Variants in UCKL1 observed in about 807,000 individuals in gnomAD.
UCKL1 encodes uridine-cytidine kinase 1 like 1.
In UCKL1, 65 loss-of-function variants were observed where a neutral mutation model predicts 59.2. The observed-to-expected ratio is 1.10, with a 90% CI of 0.90 to 1.35. The LOEUF is 1.35. UCKL1 is among the 40% of genes most tolerant of loss of function. The probability of loss-of-function intolerance (pLI) is 0.00; values close to 1 mark genes in which losing one functional copy is unlikely to be tolerated. For synonymous variants in UCKL1, 410 were observed against 323.1 expected, an observed-to-expected ratio of 1.27 and a Z score of -2.88; for missense variants, 703 against 784.3, an observed-to-expected ratio of 0.90 and a Z score of 1.24.
Position 63,941,037 on chromosome 20 carries a change from C to T in UCKL1, c.1029G>A (p.Lys343=). 1 of 1,581,330 alleles carries T rather than the reference C, an allele frequency of 6.3e-7. No homozygotes were observed. The highest frequency in any genetic ancestry group is 1.7e-4 in the Middle Eastern group (1 of 5,880). Reference sequence around the variant, plus strand: ...AGATGAACTCGTCGCGACTGGTCTCCTTGTCCCTGTGGGGCCAACAGTTGA... The same window carrying T: ...AGATGAACTCGTCGCGACTGGTCTCTTTGTCCCTGTGGGGCCAACAGTTGA... ...VRGMHTIIRD[K]ETSRDEFIFY... is the part of the protein sequence containing the mutation. Residue 343 remains lysine (K), a synonymous_variant, in exon 10 of 15, where the codon AAG becomes AAA. Coordinates refer to ENST00000354216, the MANE Select transcript of UCKL1 (RefSeq NM_017859.4).
At chr20:63,942,522 G>A in intron 8 of UCKL1, 1 of 1,160,376 alleles carries the variant, frequency 8.6e-7, no homozygotes, top group Non-Finnish European at 1.1e-6. Context: ...GTTCAGGGAG[G>A]GAACAAGGCA....
intron 8 of UCKL1, chr20:63,941,733 A>C: frequency 4.7e-6 from 1 of 211,434 alleles, no homozygotes; most frequent in Non-Finnish European, 1.0e-5. Context: ...CCGCTGCCCA[A>C]GCCTGGGGAT....
rs759269050 is a variant in UCKL1 at position 63,946,256 on chromosome 20, C to T, written c.316G>A (p.Gly106Ser). The stretch of plus-strand genomic sequence containing the variant: ...ACAGTGGTCTTCCCAGAGGCACTGC[C>T]GCCTCCCAAGCCTGCCGGCGGGAGT... ...KEAFAIGLGG[G>S]SASGKTTVAR... Residue 106 changes from glycine to serine, a missense_variant, in exon 3 of 15, where the codon GGC becomes AGC. Coordinates refer to ENST00000354216, the MANE Select transcript of UCKL1 (RefSeq NM_017859.4). The T allele has an allele frequency of 4.3e-5, 68 of 1,595,836 alleles. No individual in the cohort carries two copies. Among genetic ancestry groups the T allele is most frequent in the Middle Eastern group, 1.6e-4 (1 of 6,064 alleles).
chr20:63,940,568 T>TCATCACCCCGGCTGCCCCCAGGCA, intron 12 of UCKL1, 26 bp downstream of exon 12: 1 of 1,605,626 alleles, frequency 6.2e-7, no homozygotes. Context: ...ACCCCCGGGC[T>TCATCACCCCGGCTGCCCCCAGGCA]CATCACCCCG....
At chr20:63,941,371 ACGTCGC>A in intron 8 of UCKL1, 163 bp from the exon 9 acceptor site, 1 of 1,096,594 alleles carries the variant, frequency 9.1e-7, no homozygotes, top group Non-Finnish European at 1.3e-6. Context: ...CTGGGGGGAG[ACGTCGC>A]CCTACCTGAG....
In UCKL1 at chr20:63,956,414, C is replaced by A; in HGVS notation, c.-42G>T. ...TTTGCGGGCCTGGCCGGGCGGCGCGCATGGGCCGCCGGGAGCTGGCGGGTC... is the reference window on the plus strand; with the variant it reads ...TTTGCGGGCCTGGCCGGGCGGCGCGAATGGGCCGCCGGGAGCTGGCGGGTC... On this transcript the variant is annotated 5_prime_UTR_variant, in exon 1 of 15. The change abolishes an upstream ATG in the 5' untranslated region. Transcript: ENST00000354216. 7.4e-7 allele frequency: 1 copy of A among 1,345,136 alleles called. No individual in the cohort carries two copies. Among genetic ancestry groups the A allele is most frequent in the South Asian group, 1.7e-5 (1 of 57,208 alleles). The allele number at this position is 1,345,136 out of a possible 1,614,324, so 83.3% of individuals were successfully genotyped here.
At chr20:63,942,920 C>T (rs921682827) in intron 8 of UCKL1, among the ~76,000 whole-genome samples, 12 of 152,288 alleles carry the variant, frequency 7.9e-5, no homozygotes, top group Middle Eastern at 6.8e-3. Flanking sequence ...GGCTGGTGGA[C>T]GGGCCCTGGA....
chr20:63,950,801 C>A, intron 1 of UCKL1: 1 of 1,540,970 alleles, frequency 6.5e-7, no homozygotes, highest in South Asian at 1.2e-5. Flanking sequence ...GATCCTGATG[C>A]CAGGGTAAGC....
chr20:63,949,916 C>T lies in UCKL1; in HGVS notation c.114-3273G>A, dbSNP rs570744913. Among the ~76,000 whole-genome samples the T allele has an allele frequency of 5.3e-5, 8 of 152,360 alleles. No individual in the cohort carries two copies. The East Asian group carries it at 1.5e-3, about 29-fold the overall frequency. Reference sequence around the variant, plus strand: ...GGGACAGACACCAGACGGCAGAGGCCGGGCTGGCACCGTGCCTGCTCCCCA... The same window carrying T: ...GGGACAGACACCAGACGGCAGAGGCTGGGCTGGCACCGTGCCTGCTCCCCA... On this transcript the variant is annotated intron_variant, in intron 1 of 14. Coordinates refer to ENST00000354216, the MANE Select transcript of UCKL1 (RefSeq NM_017859.4).
chr20:63,940,157 T>A lies in UCKL1; in HGVS notation c.1560A>T (p.Pro520=). The A allele has an allele frequency of 6.2e-7, 1 of 1,612,406 alleles. No individual in the cohort carries two copies. Among genetic ancestry groups the A allele is most frequent in the Non-Finnish European group, 8.5e-7 (1 of 1,179,896 alleles). Residue 520 remains proline (P), a synonymous_variant, in exon 14 of 15, where the codon CCA becomes CCT. Coordinates refer to ENST00000354216, the MANE Select transcript of UCKL1 (RefSeq NM_017859.4). ...GGGCCCGGGCAGCCTCACCAATGCC[T>A]GGGATGATGCGGAAAAGGTCATTGA... ...KRVNDLFRII[P]GIGNFGDRYF... is the part of the protein sequence containing the mutation.
chr20:63,943,581 A>G, intron 8 of UCKL1, 72 bp downstream of exon 8: 1 of 1,607,076 alleles, frequency 6.2e-7, no homozygotes, highest in Non-Finnish European at 8.5e-7. Context: ...GCTGGATCAC[A>G]GCCCAGACCC....
Position 63,939,924 on chromosome 20 carries a change from TGGGTCAG to T in UCKL1, c.*45_*51del, listed in dbSNP as rs1373222204. On this transcript the variant is annotated 3_prime_UTR_variant, in exon 15 of 15. Coordinates refer to ENST00000354216, the MANE Select transcript of UCKL1 (RefSeq NM_017859.4). ...TTAACATCTTTGTATTCAGCAGTCC[TGGGTCAG>T]GAGGCAGGAGGAGGGTGGTGGGGAC... 16 of 1,494,118 alleles carry T rather than the reference TGGGTCAG, an allele frequency of 1.1e-5. No homozygotes were observed. In the Admixed American group the frequency reaches 2.7e-4, roughly 26 times the overall value. The allele number at this position is 1,494,118 out of a possible 1,614,324, so 92.6% of individuals were successfully genotyped here. A position where few individuals can be genotyped will look rare whatever the true frequency, so the allele number is the denominator to read the frequency against.
chr20:63,951,922 T>C (rs984887932), intron 1 of UCKL1, among the ~76,000 whole-genome samples: 2 of 152,120 alleles, frequency 1.3e-5, no homozygotes, highest in Non-Finnish European at 2.9e-5. Context: ...CAGCCATGGG[T>C]GTCAGCTTCC....
At chr20:63,943,737 C>T in intron 7 of UCKL1, 68 bp from the exon 8 acceptor site, 1 of 1,607,588 alleles carries the variant, frequency 6.2e-7, no homozygotes. Flanking sequence ...GGCGGCCAGG[C>T]CACCCCCACC....
intron 1 of UCKL1, among the ~76,000 whole-genome samples, chr20:63,947,210 C>T (rs2056478522): frequency 1.3e-5 from 2 of 152,162 alleles, no homozygotes; most frequent in Admixed American, 6.5e-5. Context: ...CAAACAAGGA[C>T]AAGGGAAGGA....
chr20:63,942,541 G>A, intron 8 of UCKL1: 1 of 1,099,728 alleles, frequency 9.1e-7, no homozygotes, highest in Non-Finnish European at 1.2e-6. Context: ...CAGGAAACGG[G>A]GGTTTACAGA....
intron 1 of UCKL1, 92 bp from the exon 2 acceptor site, chr20:63,946,735 C>A: frequency 2.2e-6 from 3 of 1,375,432 alleles, no homozygotes; most frequent in Middle Eastern, 5.0e-4. Context: ...CCCCCCCCAC[C>A]CCCTCAACAG....
At position 63,956,319 on chromosome 20, in the gene UCKL1, A is replaced by AC; in HGVS notation, c.53_54insG (p.Thr19TyrfsTer11). 6.4e-7 allele frequency: 1 copy of AC among 1,555,682 alleles called. No individual in the cohort carries two copies. The highest frequency in any genetic ancestry group is 8.7e-7 in the Non-Finnish European group (1 of 1,154,740). On this transcript the variant is annotated frameshift_variant, in exon 1 of 15. Transcript: ENST00000354216. LOFTEE classifies it high-confidence loss of function. ...GCCGGCCTGGTGTGTCTCGGGCCGT[A>AC]GGTGGCGACGTGGGCGAAGGATCAG...
chr20:63,943,746 C>T (rs2055340427), intron 7 of UCKL1, 77 bp from the exon 8 acceptor site: 2 of 1,604,252 alleles, frequency 1.2e-6, no homozygotes, highest in Non-Finnish European at 8.5e-7. Flanking sequence ...GCCACCCCCA[C>T]CCAGGAATGG....
Sources: gnomAD v4.1 joint callset for allele counts (sites outside exome capture counted in the v4.1 genomes callset) on GRCh38, gnomAD v4.1.1 for gene constraint, MANE v1.5 for transcripts, NCBI Gene and HGNC (gene_info 2026-07-23, HGNC 2026-07-21) for gene names.